Variants in ANKRD30BL observed in about 807,000 individuals in gnomAD.
The protein encoded by ANKRD30BL is ankyrin repeat domain 30B like, also known as putative ankyrin repeat domain-containing protein 30B-like.
ANKRD30BL carries 20 observed loss-of-function variants against 18.4 expected under a neutral mutation model. The observed-to-expected ratio is 1.09, with a 90% CI of 0.77 to 1.58. The LOEUF (loss-of-function observed/expected upper bound fraction) is 1.58. Ranked by LOEUF, ANKRD30BL falls within the 40% of genes most tolerant of loss-of-function variation. The pLI, the probability that ANKRD30BL is intolerant of heterozygous loss-of-function variation, is 0.00. For missense variants in ANKRD30BL, 224 were observed against 268.6 expected, an observed-to-expected ratio of 0.83 and a Z score of 1.16; for synonymous variants, 72 against 100.9, an observed-to-expected ratio of 0.71 and a Z score of 1.72.
intron 1 of ANKRD30BL, among the ~76,000 whole-genome samples, chr2:132,235,696 A>G (rs192308334): frequency 6.4e-4 from 98 of 152,298 alleles, no homozygotes; most frequent in East Asian, 1.2e-3. Context: ...AGAGGATACA[A>G]ACGAATGGAA....
At chr2:132,194,669 C>T (rs928791514) in intron 1 of ANKRD30BL, among the ~76,000 whole-genome samples, 2 of 152,238 alleles carry the variant, frequency 1.3e-5, no homozygotes, top group African/African-American at 4.8e-5. Context: ...ATTCTACCCA[C>T]CTTCTCCTGC....
chr2:132,156,809 A>C, intron 3 of ANKRD30BL, 164 bp downstream of exon 3: 1 of 379,044 alleles, frequency 2.6e-6, no homozygotes, highest in Non-Finnish European at 4.7e-6. Flanking sequence ...TTCTTGTAAA[A>C]ATATTAATAT....
In ANKRD30BL at chr2:132,243,420, C is replaced by T. The variant is rs933143958; in HGVS notation, n.441+14109G>A. Among the ~76,000 whole-genome samples the T allele has an allele frequency of 5.9e-5, 9 of 151,538 alleles. 1 individual carries two copies. On this transcript the variant is annotated intron_variant and non_coding_transcript_variant, in intron 1 of 4. Coordinates refer to the ANKRD30BL transcript ENST00000470729. ...CACATAAAAAGTAGACAGAAGAATT[C>T]TTACAAATTACATTGTGATGTGTGT...
At chr2:132,202,633 G>T (rs1379846721) in intron 1 of ANKRD30BL, among the ~76,000 whole-genome samples, 1 of 150,962 alleles carries the variant, frequency 6.6e-6, no homozygotes, top group Admixed American at 6.6e-5. Flanking sequence ...TGTTAATTTG[G>T]GTAAAAAAAT....
At chr2:132,252,785 C>G (rs76317881) in intron 1 of ANKRD30BL, among the ~76,000 whole-genome samples, 1 of 152,108 alleles carries the variant, frequency 6.6e-6, no homozygotes, top group Non-Finnish European at 1.5e-5. Context: ...CCTTCCACCC[C>G]GCCAGGGCCA....
chr2:132,221,112 G>T (rs1418071968), intron 1 of ANKRD30BL, among the ~76,000 whole-genome samples: 2 of 142,902 alleles, frequency 1.4e-5, no homozygotes, highest in African/African-American at 5.5e-5. Context: ...GAAGTGAGGA[G>T]CCCCTCCGTC....
intron 1 of ANKRD30BL, among the ~76,000 whole-genome samples, chr2:132,203,923 C>CAAAAA (rs1180738026): frequency 6.6e-6 from 1 of 151,912 alleles, no homozygotes; most frequent in Non-Finnish European, 1.5e-5. Flanking sequence ...GTACTTTCAA[C>CAAAAA]ATTGAAGATT....
Position 132,157,383 on chromosome 2 carries a change from C to T in ANKRD30BL, c.259G>A (p.Val87Ile), listed in dbSNP as rs756921824. Residue 87 changes from valine (V) to isoleucine (I), a missense_variant, in exon 2 of 6, where the codon GTA becomes ATA. Physicochemically the swap from Val to Ile is conservative, Grantham distance 29. Around this residue, in one of 3 missense-constraint regions of ANKRD30BL, gnomAD observed 131 missense variants for 128.8 expected, o/e 1.02. Transcript: ENST00000409867. ...TTTCTATCTACCAGAAGTGTTACTA[C>T]TTCTGCATGGCCATTGGCACAGGCC... Reference protein sequence around the residue: ...YWACANGHAEVVTLLVDRKCQ... With the variant: ...YWACANGHAEIVTLLVDRKCQ... 18 of 751,942 alleles carry T rather than the reference C, an allele frequency of 2.4e-5. No homozygotes were observed. The African/African-American group carries it at 2.7e-4, about 11-fold the overall frequency. The allele number at this position is 751,942 out of a possible 1,614,324, so 46.6% of individuals were successfully genotyped here. A position where few individuals can be genotyped will look rare whatever the true frequency, so the allele number is the denominator to read the frequency against.
chr2:132,176,290 G>A (rs1053936632), intron 1 of ANKRD30BL, among the ~76,000 whole-genome samples: 15 of 151,850 alleles, frequency 9.9e-5, no homozygotes, highest in Admixed American at 2.6e-4. Context: ...AGCACTTTGG[G>A]AGGCTGAGGC....
At chr2:132,215,631 C>T (rs80318961) in intron 1 of ANKRD30BL, among the ~76,000 whole-genome samples, 1 of 149,222 alleles carries the variant, frequency 6.7e-6, no homozygotes, top group East Asian at 2.0e-4. Flanking sequence ...GGAAGCTCTC[C>T]TTTTGTAGCA....
chr2:132,155,919 A>G (rs1383528721), intron 3 of ANKRD30BL: 11 of 150,678 alleles, frequency 7.3e-5, no homozygotes, highest in Non-Finnish European at 1.0e-4. Context: ...AAAAGAAGAA[A>G]AAAAGAAAAG....
chr2:132,182,176 A>G (rs575879525), intron 1 of ANKRD30BL, among the ~76,000 whole-genome samples: 2 of 152,070 alleles, frequency 1.3e-5, no homozygotes, highest in East Asian at 3.9e-4. Flanking sequence ...ATTTAATAAT[A>G]AGGTAAGTTA....
chr2:132,175,468 A>G (rs1213850066), intron 1 of ANKRD30BL, among the ~76,000 whole-genome samples: 4 of 152,254 alleles, frequency 2.6e-5, no homozygotes, highest in Admixed American at 6.5e-5. Flanking sequence ...TCAGAATTGA[A>G]CAAATGTAAA....
rs1476165561 is a variant in ANKRD30BL at position 132,221,816 on chromosome 2, G to T, written n.441+35713C>A. Among the ~76,000 whole-genome samples, 3 of 123,360 alleles carry T rather than the reference G, an allele frequency of 2.4e-5. No homozygotes were observed. In the East Asian group the frequency reaches 7.3e-4, roughly 30 times the overall value. 80.9% of individuals were successfully genotyped at this position (123,360 alleles called of 152,430 possible). A position where few individuals can be genotyped will look rare whatever the true frequency, so the allele number is the denominator to read the frequency against. On this transcript the variant is annotated intron_variant and non_coding_transcript_variant, in intron 1 of 4. Transcript: ENST00000470729. ...GGCCAGCCGCCCCGTCCGGGAGGGAGGTGGGGGGGTCAGCCCCCCGCCCGG... is the reference window on the plus strand; with the variant it reads ...GGCCAGCCGCCCCGTCCGGGAGGGATGTGGGGGGGTCAGCCCCCCGCCCGG...
chr2:132,239,989 A>G (rs1449050685), intron 1 of ANKRD30BL, among the ~76,000 whole-genome samples: 1 of 151,848 alleles, frequency 6.6e-6, no homozygotes, highest in Non-Finnish European at 1.5e-5. Context: ...TCTTCACATA[A>G]AACTAGACAG....
chr2:132,151,255 A>G (rs1308201261), intron 4 of ANKRD30BL, among the ~76,000 whole-genome samples: 1 of 152,178 alleles, frequency 6.6e-6, no homozygotes, highest in African/African-American at 2.4e-5. Context: ...ACTCGGAATA[A>G]GTCCTAGCAT....
At chr2:132,232,561 A>C (rs1287805218) in intron 1 of ANKRD30BL, among the ~76,000 whole-genome samples, 1 of 152,168 alleles carries the variant, frequency 6.6e-6, no homozygotes, top group African/African-American at 2.4e-5. Flanking sequence ...GAGCTGATGC[A>C]ATCAACTGGA....
chr2:132,158,433 G>A (rs565402981), intron 1 of ANKRD30BL, among the ~76,000 whole-genome samples: 6 of 151,578 alleles, frequency 4.0e-5, no homozygotes, highest in Middle Eastern at 3.4e-3. Flanking sequence ...TTCCAAAATC[G>A]TGGTTGGTAG....
intron 1 of ANKRD30BL, among the ~76,000 whole-genome samples, chr2:132,202,545 C>G (rs1230409295): frequency 6.6e-6 from 1 of 151,532 alleles, no homozygotes; most frequent in Non-Finnish European, 1.5e-5. Flanking sequence ...TCAAATTTCA[C>G]TTACTTGAAA....
Sources: allele counts gnomAD v4.1 joint callset (sites outside exome capture counted in the v4.1 genomes callset), GRCh38; gene constraint gnomAD v4.1.1; regional missense constraint gnomAD v4.1.1; transcripts MANE v1.5; gene names NCBI Gene and HGNC (gene_info 2026-07-23, HGNC 2026-07-21).